Variants in IGF1R observed in about 807,000 individuals in gnomAD.
IGF1R encodes insulin-like growth factor 1 receptor.
In IGF1R, 44 loss-of-function variants were observed where a neutral mutation model predicts 144.6. That is an observed-to-expected ratio of 0.30 (90% CI 0.24 to 0.39). The LOEUF is 0.39. IGF1R is among the 10% of genes least tolerant of loss of function. IGF1R has a pLI of 1.00. For missense variants in IGF1R, 1,355 were observed against 1,833.7 expected, an observed-to-expected ratio of 0.74 and a Z score of 4.77; for synonymous variants, 795 against 722.8, an observed-to-expected ratio of 1.10 and a Z score of -1.60.
intron 13 of IGF1R, among the ~76,000 whole-genome samples, chr15:98,927,208 G>C (rs899187905): frequency 1.3e-5 from 2 of 152,178 alleles, no homozygotes; most frequent in African/African-American, 4.8e-5. Context: ...AATTGGATCT[G>C]CGTGCTGGCC....
chr15:98,918,144 T>C (rs1210115477), intron 10 of IGF1R, among the ~76,000 whole-genome samples: 1 of 152,166 alleles, frequency 6.6e-6, no homozygotes, highest in African/African-American at 2.4e-5. Context: ...CCCCTCTTCC[T>C]GTAAGATTAT....
In IGF1R at chr15:98,960,098, AAAG is replaced by A. The variant is rs1349653695; in HGVS notation, c.*2659_*2661del. Reference sequence around the variant, plus strand: ...TATTTTTTATATGTGTATATAGACAAAAGAATACATCTCACCTTTCTCAGCACC... The same window carrying A: ...TATTTTTTATATGTGTATATAGACAAAATACATCTCACCTTTCTCAGCACC... On this transcript the variant is annotated 3_prime_UTR_variant, in exon 21 of 21. Coordinates refer to ENST00000650285, the MANE Select transcript of IGF1R (RefSeq NM_000875.5). 4.7e-5 allele frequency: 11 copies of A among 233,518 alleles called. No homozygotes were observed. The highest frequency in any genetic ancestry group is 5.9e-5 in the Non-Finnish European group (7 of 118,050). 14.5% of individuals were successfully genotyped at this position (233,518 alleles called of 1,614,324 possible).
rs139722027 is a variant in IGF1R, at chr15:98,739,717, G to A, written c.640+31610G>A. On this transcript the variant is annotated intron_variant, in intron 2 of 20. Coordinates refer to ENST00000650285, the MANE Select transcript of IGF1R (RefSeq NM_000875.5). ...TCTGCCTCCCAGGTTCAAGTCTCCC[G>A]AGTAGCTGGAACTGCAGGTGCACGC... Among the ~76,000 whole-genome samples, 180 of 152,226 alleles carry A rather than the reference G, an allele frequency of 1.2e-3. 3 individuals are homozygous for A. Among genetic ancestry groups the A allele is most frequent in the Middle Eastern group, 6.8e-3 (2 of 292 alleles).
Position 98,927,182 on chromosome 15 carries a change from T to C in IGF1R, c.2783-2376T>C, listed in dbSNP as rs148008125. Among the ~76,000 whole-genome samples the C allele has an allele frequency of 1.4e-4, 21 of 152,336 alleles. 2 individuals carry two copies. The East Asian group carries it at 3.7e-3, about 27-fold the overall frequency. On this transcript the variant is annotated intron_variant, in intron 13 of 20. Transcript: ENST00000650285. ...GATAGAATTTTTCCAGCAGATGTTA[T>C]CACGTACTGCAGGGAAATTGGATCT...
Position 98,875,626 on chromosome 15 carries a change from T to C in IGF1R, c.641-15699T>C, listed in dbSNP as rs1249118143. Among the ~76,000 whole-genome samples, 4 of 152,200 alleles carry C rather than the reference T, an allele frequency of 2.6e-5. No individual in the cohort carries two copies. The East Asian group carries it at 7.7e-4, about 29-fold the overall frequency. On this transcript the variant is annotated intron_variant, in intron 2 of 20. Coordinates refer to ENST00000650285, the MANE Select transcript of IGF1R (RefSeq NM_000875.5). Reference sequence around the variant, plus strand: ...TCACGTGTGCTTTCCACTGTAGAGCTGCCCTGCTTGTTTTGATTTTATAGT... The same window carrying C: ...TCACGTGTGCTTTCCACTGTAGAGCCGCCCTGCTTGTTTTGATTTTATAGT...
At chr15:98,825,094 C>T (rs1247479868) in intron 2 of IGF1R, among the ~76,000 whole-genome samples, 1 of 152,192 alleles carries the variant, frequency 6.6e-6, no homozygotes, top group Non-Finnish European at 1.5e-5. Flanking sequence ...CTGCCTTGAC[C>T]TCCCAAAGTG....
At chr15:98,750,752 T>A (rs2054990567) in intron 2 of IGF1R, among the ~76,000 whole-genome samples, 1 of 152,186 alleles carries the variant, frequency 6.6e-6, no homozygotes, top group Non-Finnish European at 1.5e-5. Context: ...CACCTATAAC[T>A]CCAGCATTCT....
intron 2 of IGF1R, among the ~76,000 whole-genome samples, chr15:98,760,683 G>A (rs2055273835): frequency 6.6e-6 from 1 of 152,206 alleles, no homozygotes; most frequent in African/African-American, 2.4e-5. Context: ...AGGCCAGACT[G>A]GCACCACTTG....
intron 19 of IGF1R, among the ~76,000 whole-genome samples, chr15:98,944,390 TATAA>T (rs1421241607): frequency 6.6e-6 from 1 of 152,226 alleles, no homozygotes; most frequent in African/African-American, 2.4e-5. Flanking sequence ...AAAAGATATG[TATAA>T]ACATGAATAG....
chr15:98,869,154 A>G (rs757874223), intron 2 of IGF1R, among the ~76,000 whole-genome samples: 8 of 152,124 alleles, frequency 5.3e-5, no homozygotes, highest in East Asian at 1.9e-4. Flanking sequence ...GTCATCGTCT[A>G]TTTATTTAAT....
At chr15:98,712,629 G>A (rs1458391381) in intron 2 of IGF1R, among the ~76,000 whole-genome samples, 1 of 147,302 alleles carries the variant, frequency 6.8e-6, no homozygotes, top group Non-Finnish European at 1.5e-5. Flanking sequence ...TTTTTTTGGA[G>A]AAAGAGTCTT....
intron 20 of IGF1R, among the ~76,000 whole-genome samples, chr15:98,952,240 C>T (rs765302407): frequency 1.2e-4 from 18 of 151,808 alleles, no homozygotes; most frequent in Middle Eastern, 3.4e-3. Flanking sequence ...GATGTGAGCT[C>T]CAGGACACAG....
At chr15:98,843,196 G>A (rs746094845) in intron 2 of IGF1R, among the ~76,000 whole-genome samples, 1 of 152,078 alleles carries the variant, frequency 6.6e-6, no homozygotes. Flanking sequence ...TGCTGTTTTT[G>A]TTGAAAATGC....
intron 2 of IGF1R, among the ~76,000 whole-genome samples, chr15:98,724,635 AG>A (rs1371455097): frequency 6.6e-6 from 1 of 152,210 alleles, no homozygotes; most frequent in African/African-American, 2.4e-5. Flanking sequence ...AGCTCAGAGC[AG>A]GTCTGGCTAG....
At chr15:98,784,968 A>C (rs566590027) in intron 2 of IGF1R, among the ~76,000 whole-genome samples, 1 of 152,156 alleles carries the variant, frequency 6.6e-6, no homozygotes, top group African/African-American at 2.4e-5. Context: ...ACATGTCTAG[A>C]TTTTCGACAA....
At chr15:98,738,152 G>A (rs904249391) in intron 2 of IGF1R, among the ~76,000 whole-genome samples, 9 of 152,192 alleles carry the variant, frequency 5.9e-5, no homozygotes, top group African/African-American at 2.2e-4. Flanking sequence ...CTTATGATAG[G>A]CAACAGGTTA....
intron 2 of IGF1R, among the ~76,000 whole-genome samples, chr15:98,829,052 C>T (rs569654050): frequency 6.6e-6 from 1 of 152,258 alleles, no homozygotes; most frequent in South Asian, 2.1e-4. Flanking sequence ...TCTTAGGATA[C>T]TGCTCTATGT....
chr15:98,959,194 CAT>C lies in IGF1R; in HGVS notation c.*1763_*1764del, dbSNP rs760831806. 1.3e-4 allele frequency: 31 copies of C among 233,108 alleles called. No individual in the cohort carries two copies. Among genetic ancestry groups the C allele is most frequent in the South Asian group, 1.8e-4 (1 of 5,526 alleles). 14.4% of individuals were successfully genotyped at this position (233,108 alleles called of 1,614,324 possible). A position where few individuals can be genotyped will look rare whatever the true frequency, so the allele number is the denominator to read the frequency against. ...TTGCCTTTGCTTAGGTTGTGACACACATATATATATATTTTTTTAATTCTTGG... is the reference window on the plus strand; with the variant it reads ...TTGCCTTTGCTTAGGTTGTGACACACATATATATATTTTTTTAATTCTTGG... On this transcript the variant is annotated 3_prime_UTR_variant, in exon 21 of 21. Transcript: ENST00000650285.
At chr15:98,956,377 G>A (rs895586599) in intron 20 of IGF1R, among the ~76,000 whole-genome samples, 12 of 152,232 alleles carry the variant, frequency 7.9e-5, no homozygotes, top group African/African-American at 2.2e-4. Context: ...AGGTCTACAC[G>A]GGGCCTCTCG....
Sources: gnomAD v4.1 joint callset for allele counts (sites outside exome capture counted in the v4.1 genomes callset) on GRCh38, gnomAD v4.1.1 for gene constraint, MANE v1.5 for transcripts, NCBI Gene and HGNC (gene_info 2026-07-23, HGNC 2026-07-21) for gene names.